SLC24A1: variants seen among roughly 807,000 people sequenced by gnomAD.
SLC24A1 encodes the protein solute carrier family 24 member 1, also known as sodium/potassium/calcium exchanger 1.
SLC24A1 carries 52 observed loss-of-function variants against 88.1 expected under a neutral mutation model. The observed-to-expected ratio is 0.59, with a 90% CI of 0.47 to 0.74. SLC24A1 has a LOEUF of 0.74. SLC24A1 is among the 30% of genes least tolerant of loss of function. The pLI is 0.00. For missense variants in SLC24A1, 1,173 were observed against 1,363.3 expected, an observed-to-expected ratio of 0.86 and a Z score of 2.20; for synonymous variants, 455 against 498.0, an observed-to-expected ratio of 0.91 and a Z score of 1.15.
rs533092441 is a variant in SLC24A1 at position 65,624,255 on chromosome 15, C to G, written c.175C>G (p.Pro59Ala). 4.5e-5 allele frequency: 72 copies of G among 1,613,850 alleles called. No homozygotes were observed. In the East Asian group the frequency reaches 1.5e-3, roughly 33 times the overall value. Residue 59 changes from proline (P) to alanine (A), a missense_variant, in exon 2 of 10, where the codon CCT (proline) becomes GCT (alanine). By Grantham distance (27) the Pro-to-Ala change is conservative. Transcript: ENST00000261892. Reference protein sequence around the residue: ...SLWAAVSSHQPIKLASRDLSS... With the variant: ...SLWAAVSSHQAIKLASRDLSS... ...GTGGGCAGCAGTCTCTTCTCATCAG[C>G]CTATAAAACTGGCCAGTCGGGACCT...
At chr15:65,620,197 G>A (rs943584014), upstream of SLC24A1, among the ~76,000 whole-genome samples, 1 of 151,786 alleles carries the variant, frequency 6.6e-6, no homozygotes, top group African/African-American at 2.4e-5. Flanking sequence ...GAATAAGACA[G>A]GCAAGTTCCC....
intron 2 of SLC24A1, among the ~76,000 whole-genome samples, chr15:65,635,961 A>G (rs1385769674): frequency 1.3e-5 from 2 of 152,232 alleles, no homozygotes; most frequent in African/African-American, 4.8e-5. Flanking sequence ...AGTAAATAAG[A>G]ACTGCATGAA....
intron 2 of SLC24A1, among the ~76,000 whole-genome samples, chr15:65,633,512 T>G (rs913617116): frequency 1.3e-5 from 2 of 151,910 alleles, no homozygotes; most frequent in Non-Finnish European, 2.9e-5. Flanking sequence ...ATACAAAAAT[T>G]AGCCGGATGT....
chr15:65,621,600 GCTAA>G (rs529784042), upstream of SLC24A1, among the ~76,000 whole-genome samples: 1 of 152,172 alleles, frequency 6.6e-6, no homozygotes, highest in Non-Finnish European at 1.5e-5. Flanking sequence ...CGAGCCTAAT[GCTAA>G]CTGAGGTCTT....
Position 65,650,582 on chromosome 15 carries a change from G to C in SLC24A1, c.2433G>C (p.Glu811Asp), listed in dbSNP as rs1274007240. 6 of 1,551,690 alleles carry C rather than the reference G, an allele frequency of 3.9e-6. No homozygotes were observed. The Admixed American group carries it at 5.9e-5, about 15-fold the overall frequency. The change falls in exon 7 of 10, where the codon GAG (glutamate) becomes GAC (aspartate). Residue 811 changes from glutamate (E) to aspartate (D), a missense_variant. Glu to Asp is a conservative substitution (Grantham distance 45). Coordinates refer to ENST00000261892, the MANE Select transcript of SLC24A1 (RefSeq NM_004727.3). The surrounding 1 kb of genome is among the most constrained non-coding windows in gnomAD (Gnocchi z 4.1). Reference protein sequence around the residue: ...EGKGDNEGEDEGEIHAEDGEM... With the variant: ...EGKGDNEGEDDGEIHAEDGEM... ...AAGGAGACAATGAAGGTGAAGATGA[G>C]GGTGAAATCCACGCAGAAGATGGTG...
intron 2 of SLC24A1, among the ~76,000 whole-genome samples, chr15:65,630,577 C>G (rs1052858761): frequency 2.0e-5 from 3 of 152,202 alleles, no homozygotes; most frequent in Non-Finnish European, 4.4e-5. Context: ...GAGGGGTTCC[C>G]TTCTTCGACT....
chr15:65,611,425 A>C (rs577503481), exon 1 of SLC24A1: 1 of 548,618 alleles, frequency 1.8e-6, no homozygotes, highest in Non-Finnish European at 3.3e-6. Context: ...ATCTCTCCCC[A>C]TTCTCGGGCT....
intron 2 of SLC24A1, among the ~76,000 whole-genome samples, chr15:65,615,484 G>T (rs1173877048): frequency 6.6e-6 from 1 of 152,066 alleles, no homozygotes; most frequent in East Asian, 1.9e-4. Context: ...GGTGTTCGAG[G>T]CAAGCCTGAC....
At position 65,639,639 on chromosome 15, in the gene SLC24A1, C is replaced by A; in HGVS notation, c.1989C>A (p.His663Gln). Residue 663 changes from histidine (H) to glutamine (Q), a missense_variant, in exon 4 of 10, where the codon CAC (histidine) becomes CAA (glutamine). Coordinates refer to ENST00000261892, the MANE Select transcript of SLC24A1 (RefSeq NM_004727.3). ...LTRGSSSTSLHNSTIRSTIYQ... is the reference protein window; with the variant it reads ...LTRGSSSTSLQNSTIRSTIYQ... Reference sequence around the variant, plus strand: ...GAGGGAGCAGCTCGACCTCTCTGCACAACAGCACCATCCGCAGCACCATCT... The same window carrying A: ...GAGGGAGCAGCTCGACCTCTCTGCAAAACAGCACCATCCGCAGCACCATCT... 1 of 1,613,050 alleles carries A rather than the reference C, an allele frequency of 6.2e-7. No individual in the cohort carries two copies. The highest frequency in any genetic ancestry group is 2.2e-5 in the East Asian group (1 of 44,836).
At chr15:65,629,347 G>A (rs2074629079) in intron 2 of SLC24A1, among the ~76,000 whole-genome samples, 1 of 152,108 alleles carries the variant, frequency 6.6e-6, no homozygotes, top group Non-Finnish European at 1.5e-5. Context: ...AAAGGACTTA[G>A]TATTTGACAT....
At chr15:65,646,463 C>T (rs2075304558) in intron 6 of SLC24A1, among the ~76,000 whole-genome samples, 1 of 151,674 alleles carries the variant, frequency 6.6e-6, no homozygotes, top group South Asian at 2.1e-4. Flanking sequence ...CATATATCCT[C>T]ATCTTACCAT....
chr15:65,622,689 T>C (rs576650737), intron 1 of SLC24A1, among the ~76,000 whole-genome samples: 16 of 152,264 alleles, frequency 1.1e-4, no homozygotes, highest in African/African-American at 3.8e-4. Context: ...GGGCCTTTCA[T>C]GTTCTTCCCT....
At chr15:65,641,202 GTC>G (rs1470764999) in intron 4 of SLC24A1, among the ~76,000 whole-genome samples, 1 of 152,004 alleles carries the variant, frequency 6.6e-6, no homozygotes, top group Non-Finnish European at 1.5e-5. Context: ...GTGAAACCCT[GTC>G]TCTACTAAAA....
chr15:65,622,778 G>A (rs955741058), intron 1 of SLC24A1, among the ~76,000 whole-genome samples: 2 of 147,386 alleles, frequency 1.4e-5, no homozygotes, highest in African/African-American at 5.1e-5. Context: ...GTCTTGCTCT[G>A]TTGCTCAGGC....
intron 2 of SLC24A1, among the ~76,000 whole-genome samples, chr15:65,615,266 T>C (rs2074100258): frequency 6.6e-6 from 1 of 152,148 alleles, no homozygotes; most frequent in Admixed American, 6.5e-5. Flanking sequence ...TAAAGGCCCC[T>C]CATGATCTGG....
chr15:65,612,362 A>AT (rs1468438439), intron 1 of SLC24A1: 5 of 152,342 alleles, frequency 3.3e-5, no homozygotes, highest in Admixed American at 1.3e-4. Flanking sequence ...ATGGGGCGAG[A>AT]TTAGGAGATG....
At chr15:65,644,597 C>T in intron 5 of SLC24A1, 84 bp downstream of exon 5, 1 of 918,232 alleles carries the variant, frequency 1.1e-6, no homozygotes, top group South Asian at 1.5e-5. Flanking sequence ...AGGCAGCAGC[C>T]AGCCAGGCCA....
chr15:65,619,178 G>C (rs2074241495), upstream of SLC24A1, among the ~76,000 whole-genome samples: 1 of 152,200 alleles, frequency 6.6e-6, no homozygotes. Flanking sequence ...CTTTTCCACA[G>C]ATTCTCTCAC....
downstream of SLC24A1, chr15:65,659,119 A>G (rs1402000778): frequency 6.6e-6 from 1 of 152,156 alleles, no homozygotes; most frequent in African/African-American, 2.4e-5. Context: ...CGTAGTAAAC[A>G]AGCTACATCA....
Sources: allele counts gnomAD v4.1 joint callset (sites outside exome capture counted in the v4.1 genomes callset), GRCh38; gene constraint gnomAD v4.1.1; non-coding constraint Gnocchi (gnomAD v3.1); transcripts MANE v1.5; gene names NCBI Gene and HGNC (gene_info 2026-07-23, HGNC 2026-07-21).